PTPRD: variants seen among roughly 807,000 people sequenced by gnomAD.
PTPRD encodes the protein receptor-type tyrosine-protein phosphatase delta.
In PTPRD, 34 loss-of-function variants were observed where a neutral mutation model predicts 214.5. The observed-to-expected ratio is 0.16, with a 90% CI of 0.12 to 0.21. The LOEUF is 0.21. Ranked by LOEUF, PTPRD falls within the 10% of genes least tolerant of loss-of-function variation. The pLI is 1.00. For synonymous variants in PTPRD, 1,128 were observed against 845.7 expected, an observed-to-expected ratio of 1.33 and a Z score of -5.79; for missense variants, 2,545 against 2,398.7, an observed-to-expected ratio of 1.06 and a Z score of -1.27.
chr9:9,874,157 T>A (rs927544330), intron 5 of PTPRD, among the ~76,000 whole-genome samples: 3 of 152,088 alleles, frequency 2.0e-5, no homozygotes, highest in African/African-American at 7.2e-5. Flanking sequence ...TTACTATGTA[T>A]AATAAATGAA....
At chr9:8,663,240 GT>G (rs5896252) in intron 12 of PTPRD, among the ~76,000 whole-genome samples, 3 of 144,558 alleles carry the variant, frequency 2.1e-5, no homozygotes, top group South Asian at 2.2e-4. Flanking sequence ...CAAGAATCTT[GT>G]TTTTTTTCTT....
intron 8 of PTPRD, among the ~76,000 whole-genome samples, chr9:9,566,087 A>T (rs146495455): frequency 0.021 from 3,158 of 151,478 alleles, 44 homozygotes; most frequent in Admixed American, 0.027. Flanking sequence ...ATTCCTGCAC[A>T]TTTTTTCTTC....
intron 22 of PTPRD, among the ~76,000 whole-genome samples, chr9:8,505,643 A>AAAG (rs1183120746): frequency 1.4e-4 from 17 of 123,312 alleles, no homozygotes; most frequent in African/African-American, 2.6e-4. Context: ...AAAAAAAAAA[A>AAAG]AAGAAGAAGA....
At chr9:9,398,062 A>T (rs373114974) in intron 8 of PTPRD, among the ~76,000 whole-genome samples, 1 of 151,624 alleles carries the variant, frequency 6.6e-6, no homozygotes, top group Non-Finnish European at 1.5e-5. Context: ...TCCCTTGTAC[A>T]CTAGTCTCGA....
At chr9:10,599,099 T>C (rs1006442672) in intron 2 of PTPRD, among the ~76,000 whole-genome samples, 8 of 151,612 alleles carry the variant, frequency 5.3e-5, no homozygotes, top group African/African-American at 7.3e-5. Flanking sequence ...TGCGGCGAAA[T>C]TGGACCTATT....
At chr9:9,428,141 C>G (rs1373120597) in intron 8 of PTPRD, among the ~76,000 whole-genome samples, 2 of 152,064 alleles carry the variant, frequency 1.3e-5, no homozygotes, top group Non-Finnish European at 2.9e-5. Flanking sequence ...AGTCAAGACC[C>G]ATCAGTGTGC....
chr9:8,830,457 G>C (rs2097264725), intron 11 of PTPRD, among the ~76,000 whole-genome samples: 1 of 152,122 alleles, frequency 6.6e-6, no homozygotes. Flanking sequence ...TAAGAAACAA[G>C]AGGGTAAACA....
chr9:8,436,371 CAAGT>C (rs1057501224), intron 35 of PTPRD, among the ~76,000 whole-genome samples: 1 of 152,114 alleles, frequency 6.6e-6, no homozygotes, highest in Non-Finnish European at 1.5e-5. Flanking sequence ...ATAATCTCAG[CAAGT>C]AATATTGAAC....
At chr9:9,941,205 AT>A (rs1369288732) in intron 4 of PTPRD, among the ~76,000 whole-genome samples, 1 of 152,216 alleles carries the variant, frequency 6.6e-6, no homozygotes, top group Admixed American at 6.5e-5. Context: ...GATTTAGATC[AT>A]GCCTGGCTTC....
In PTPRD at chr9:9,730,402, T is replaced by C. The variant is rs73392826; in HGVS notation, c.-287+4131A>G. On this transcript the variant is annotated intron_variant, in intron 7 of 45. Transcript: ENST00000381196. ...AAGGGTTAAGTGGGTTTCTATAGAT[T>C]TTGCTTCACTTATTAATGACATGGT... 6.2e-3 allele frequency among the ~76,000 whole-genome samples: 939 copies of C among 152,170 alleles called. 9 individuals carry two copies. The highest frequency in any genetic ancestry group is 0.021 in the African/African-American group (883 of 41,556).
At chr9:9,307,478 G>C (rs1022193412) in intron 9 of PTPRD, among the ~76,000 whole-genome samples, 4 of 152,102 alleles carry the variant, frequency 2.6e-5, no homozygotes, top group African/African-American at 9.7e-5. Flanking sequence ...TGCTAAGATA[G>C]AAACCTGAAA....
chr9:8,434,045 G>A (rs1348174159), intron 35 of PTPRD, among the ~76,000 whole-genome samples: 7 of 151,946 alleles, frequency 4.6e-5, no homozygotes, highest in African/African-American at 1.7e-4. Flanking sequence ...GCAATGGTGC[G>A]ACCCTTGGCT....
intron 14 of PTPRD, among the ~76,000 whole-genome samples, chr9:8,619,630 C>A (rs1357672389): frequency 6.6e-6 from 1 of 151,824 alleles, no homozygotes. Context: ...TCTTACATCC[C>A]ACTCCACCCC....
chr9:8,707,824 C>A (rs2098241030), intron 12 of PTPRD, among the ~76,000 whole-genome samples: 1 of 152,184 alleles, frequency 6.6e-6, no homozygotes, highest in Admixed American at 6.5e-5. Context: ...ATGCATACCA[C>A]AGTGTTCACA....
chr9:8,646,512 T>G (rs2096695082), intron 12 of PTPRD, among the ~76,000 whole-genome samples: 1 of 152,158 alleles, frequency 6.6e-6, no homozygotes, highest in South Asian at 2.1e-4. Context: ...CTCATCTCGA[T>G]GCCTCAGTAC....
intron 5 of PTPRD, among the ~76,000 whole-genome samples, chr9:9,796,497 T>A (rs779966980): frequency 6.6e-6 from 1 of 152,090 alleles, no homozygotes; most frequent in South Asian, 2.1e-4. Flanking sequence ...AACTAAGCAT[T>A]TGCTGACAGC....
chr9:8,620,881 G>A (rs139768989), intron 14 of PTPRD, among the ~76,000 whole-genome samples: 57 of 152,086 alleles, frequency 3.7e-4, no homozygotes, highest in African/African-American at 1.3e-3. Flanking sequence ...ATGTACACAA[G>A]TAATTTTTCT....
intron 5 of PTPRD, among the ~76,000 whole-genome samples, chr9:9,847,377 C>T (rs1299125654): frequency 6.6e-6 from 1 of 152,080 alleles, no homozygotes; most frequent in East Asian, 1.9e-4. Context: ...GGATTTCAAG[C>T]ATGTCAAATA....
intron 11 of PTPRD, among the ~76,000 whole-genome samples, chr9:8,911,419 G>T (rs796226792): frequency 2.0e-5 from 3 of 148,138 alleles, no homozygotes; most frequent in Non-Finnish European, 4.5e-5. Flanking sequence ...TGTGTGTTGT[G>T]TGTGTGTGTG....
Sources: gnomAD v4.1 joint callset for allele counts (sites outside exome capture counted in the v4.1 genomes callset) on GRCh38, gnomAD v4.1.1 for gene constraint, MANE v1.5 for transcripts, NCBI Gene and HGNC (gene_info 2026-07-23, HGNC 2026-07-21) for gene names.